The following PACRG variants were observed in gnomAD, a reference collection of about 807,000 sequenced individuals.
PACRG encodes parkin coregulated gene protein.
PACRG carries 29 observed loss-of-function variants against 29.7 expected under a neutral mutation model. The observed-to-expected ratio is 0.98, with a 90% CI of 0.73 to 1.33. The LOEUF is 1.33. PACRG is among the 40% of genes most tolerant of loss of function. PACRG has a pLI of 0.00. For missense variants in PACRG, 279 were observed against 316.2 expected, an observed-to-expected ratio of 0.88 and a Z score of 0.89; for synonymous variants, 116 against 118.7, an observed-to-expected ratio of 0.98 and a Z score of 0.15.
intron 2 of PACRG, among the ~76,000 whole-genome samples, chr6:162,922,451 A>G (rs1797132525): frequency 6.6e-6 from 1 of 151,622 alleles, no homozygotes; most frequent in African/African-American, 2.4e-5. Context: ...AAATTCTTTT[A>G]CCTTTTGTAA....
intron 4 of PACRG, among the ~76,000 whole-genome samples, chr6:163,103,939 C>A (rs925207075): frequency 6.6e-6 from 1 of 152,150 alleles, no homozygotes; most frequent in African/African-American, 2.4e-5. Flanking sequence ...AGCAGGTCCT[C>A]CTTCCAAACC....
chr6:163,048,148 T>A (rs1809598470), intron 2 of PACRG, among the ~76,000 whole-genome samples: 2 of 152,154 alleles, frequency 1.3e-5, no homozygotes, highest in African/African-American at 4.8e-5. Flanking sequence ...AACAGTTCTT[T>A]TTTTTCCCTT....
At chr6:163,121,831 T>A (rs1214716853) in intron 4 of PACRG, among the ~76,000 whole-genome samples, 1 of 151,346 alleles carries the variant, frequency 6.6e-6, no homozygotes, top group Non-Finnish European at 1.5e-5. Flanking sequence ...CCTGGCTAAT[T>A]TTTTGTATTT....
At chr6:163,264,671 G>A (rs1320565477) in intron 4 of PACRG, among the ~76,000 whole-genome samples, 4 of 152,264 alleles carry the variant, frequency 2.6e-5, no homozygotes, top group South Asian at 2.1e-4. Context: ...GTATATACAC[G>A]GTGAGGGCAG....
At chr6:163,092,494 T>C (rs1343731796) in intron 4 of PACRG, among the ~76,000 whole-genome samples, 1 of 152,180 alleles carries the variant, frequency 6.6e-6, no homozygotes, top group African/African-American at 2.4e-5. Context: ...TCCTCTTGTG[T>C]GTTCATAATA....
chr6:162,769,046 G>A (rs923002698), intron 1 of PACRG, among the ~76,000 whole-genome samples: 1 of 152,066 alleles, frequency 6.6e-6, no homozygotes, highest in Admixed American at 6.6e-5. Flanking sequence ...CAAACTGAGG[G>A]CTCCCTTTTC....
At chr6:163,166,498 A>G (rs1026525023) in intron 4 of PACRG, among the ~76,000 whole-genome samples, 1 of 152,236 alleles carries the variant, frequency 6.6e-6, no homozygotes, top group Non-Finnish European at 1.5e-5. Flanking sequence ...CATGGCGTGC[A>G]CAATTTATTT....
chr6:163,073,604 C>G (rs909263358), intron 3 of PACRG, among the ~76,000 whole-genome samples: 1 of 152,136 alleles, frequency 6.6e-6, no homozygotes, highest in African/African-American at 2.4e-5. Flanking sequence ...AGTTATAAAC[C>G]TTTTGCATAG....
intron 4 of PACRG, among the ~76,000 whole-genome samples, chr6:163,162,278 T>C (rs1364978546): frequency 1.3e-5 from 2 of 152,116 alleles, no homozygotes; most frequent in Admixed American, 1.3e-4. Context: ...ATCTTGGAAA[T>C]CAATGCTCAT....
chr6:163,099,537 G>A (rs1027986343), intron 4 of PACRG, among the ~76,000 whole-genome samples: 1 of 152,144 alleles, frequency 6.6e-6, no homozygotes, highest in South Asian at 2.1e-4. Flanking sequence ...CTCATAATTT[G>A]TAGTTTTTAA....
At chr6:162,775,734 A>G (rs1173838235) in intron 1 of PACRG, among the ~76,000 whole-genome samples, 1 of 152,220 alleles carries the variant, frequency 6.6e-6, no homozygotes. Flanking sequence ...CAGATTCTGT[A>G]TATCAGCTTC....
chr6:162,818,667 A>G (rs1205671715), intron 2 of PACRG, among the ~76,000 whole-genome samples: 1 of 152,198 alleles, frequency 6.6e-6, no homozygotes, highest in African/African-American at 2.4e-5. Context: ...AGCTACACCT[A>G]CATAAAGGTG....
At chr6:163,245,114 C>A in intron 4 of PACRG, 1 of 432,248 alleles carries the variant, frequency 2.3e-6, no homozygotes, top group Non-Finnish European at 4.6e-6. Flanking sequence ...ATGAATGTCA[C>A]ACATTTCATC....
At chr6:163,035,233 C>T (rs1410552691) in intron 2 of PACRG, among the ~76,000 whole-genome samples, 1 of 152,166 alleles carries the variant, frequency 6.6e-6, no homozygotes, top group Non-Finnish European at 1.5e-5. Context: ...CTTAACTGGG[C>T]CGGGCACAGT....
chr6:162,747,762 A>T (rs1348340495), intron 1 of PACRG, among the ~76,000 whole-genome samples: 1 of 151,838 alleles, frequency 6.6e-6, no homozygotes, highest in African/African-American at 2.4e-5. Context: ...TTTTACTCAG[A>T]ATCCAGACCT....
intron 3 of PACRG, among the ~76,000 whole-genome samples, chr6:163,068,009 G>C (rs1811706126): frequency 6.6e-6 from 1 of 152,132 alleles, no homozygotes; most frequent in Non-Finnish European, 1.5e-5. Context: ...AGATTTATCT[G>C]ACTTCATCTG....
intron 2 of PACRG, among the ~76,000 whole-genome samples, chr6:162,852,567 C>G (rs1791013413): frequency 6.6e-6 from 1 of 152,168 alleles, no homozygotes; most frequent in Non-Finnish European, 1.5e-5. Flanking sequence ...GATTTTTAAG[C>G]ATAAAAGTAA....
chr6:163,128,727 T>C (rs1816613144), intron 4 of PACRG, among the ~76,000 whole-genome samples: 1 of 151,616 alleles, frequency 6.6e-6, no homozygotes, highest in Non-Finnish European at 1.5e-5. Context: ...TGTGTACATA[T>C]TATGCATAGA....
At chr6:163,129,338 A>G (rs911395301) in intron 4 of PACRG, among the ~76,000 whole-genome samples, 1 of 152,232 alleles carries the variant, frequency 6.6e-6, no homozygotes, top group East Asian at 1.9e-4. Flanking sequence ...TTAGGTGCCC[A>G]GGTTTCTTGT....
Sources: allele counts gnomAD v4.1 joint callset (sites outside exome capture counted in the v4.1 genomes callset), GRCh38; gene constraint gnomAD v4.1.1; transcripts MANE v1.5; gene names NCBI Gene and HGNC (gene_info 2026-07-23, HGNC 2026-07-21).